The following COL4A6 variants were observed in gnomAD, a reference collection of about 807,000 sequenced individuals.
COL4A6 encodes collagen alpha-6(IV) chain.
COL4A6 carries 59 observed loss-of-function variants against 126.7 expected under a neutral mutation model. That is an observed-to-expected ratio of 0.47 (90% CI 0.38 to 0.58). The LOEUF (loss-of-function observed/expected upper bound fraction) is 0.58, where lower values mean the gene tolerates loss of function less well. COL4A6 is among the 20% of genes least tolerant of loss of function. The probability of loss-of-function intolerance (pLI) is 0.00; values close to 1 mark genes in which losing one functional copy is unlikely to be tolerated. For missense variants in COL4A6, 1,285 were observed against 1,337.3 expected, an observed-to-expected ratio of 0.96 and a Z score of 0.61; for synonymous variants, 547 against 496.6, an observed-to-expected ratio of 1.10 and a Z score of -1.35.
chrX:108,438,367 C>A lies in COL4A6; in HGVS notation c.-171G>T. On this transcript the variant is annotated 5_prime_UTR_variant, in exon 1 of 45. Transcript: ENST00000334504. ...AAACACTGCTTCTAGATAAGAAGTG[C>A]TCCAAAGGGAAACAGGCTCAGCGGT... is the stretch of plus-strand genomic sequence containing the variant. 9.4e-7 allele frequency: 1 copy of A among 1,065,683 alleles called. No individual in the cohort carries two copies. Among genetic ancestry groups the A allele is most frequent in the South Asian group, 2.9e-5 (1 of 34,678 alleles). The allele number at this position is 1,065,683 out of a possible 1,213,427, so 87.8% of individuals were successfully genotyped here. A position where few individuals can be genotyped will look rare whatever the true frequency, so the allele number is the denominator to read the frequency against.
intron 2 of COL4A6, among the ~76,000 whole-genome samples, chrX:108,409,078 G>A (rs1251665730): frequency 8.9e-6 from 1 of 112,421 alleles, no homozygotes; most frequent in Admixed American, 9.4e-5. Context: ...GAAAACCACC[G>A]GTCTAGATAA....
In COL4A6 at chrX:108,233,039, A is replaced by G. The variant is rs1020621587; in HGVS notation, c.145-11665T>C. Among the ~76,000 whole-genome samples, 4 of 112,196 alleles carry G rather than the reference A, an allele frequency of 3.6e-5. No individual in the cohort carries two copies. In the Admixed American group the frequency reaches 3.8e-4, roughly 11 times the overall value. ...GTTGGGAGCAAATTGACTGTCTTTCACAGGAGTCTCATTTCAGTTTTAAAA... is the reference window on the plus strand; with the variant it reads ...GTTGGGAGCAAATTGACTGTCTTTCGCAGGAGTCTCATTTCAGTTTTAAAA... On this transcript the variant is annotated intron_variant, in intron 3 of 44. Transcript: ENST00000334504.
chrX:108,240,470 G>C (rs1486296749), intron 3 of COL4A6, among the ~76,000 whole-genome samples: 1 of 111,939 alleles, frequency 8.9e-6, no homozygotes, highest in Non-Finnish European at 1.9e-5. Flanking sequence ...ATATGTTACA[G>C]GTTTCCTTTT....
intron 3 of COL4A6, among the ~76,000 whole-genome samples, chrX:108,298,818 T>C (rs77141442): frequency 9.1e-6 from 1 of 109,776 alleles, no homozygotes; most frequent in Admixed American, 9.6e-5. Context: ...TTGCTCCTTT[T>C]ATGAAGGAGG....
chrX:108,200,303 G>T (rs967073188), intron 13 of COL4A6, among the ~76,000 whole-genome samples: 1 of 112,203 alleles, frequency 8.9e-6, no homozygotes, highest in East Asian at 2.8e-4. Flanking sequence ...AAATGTTACT[G>T]AGATATTCTA....
chrX:108,260,742 G>A (rs1177931671), intron 3 of COL4A6, among the ~76,000 whole-genome samples: 2 of 110,155 alleles, frequency 1.8e-5, no homozygotes, highest in Non-Finnish European at 3.8e-5. Context: ...AATGTTTAAT[G>A]TGGGATGATT....
chrX:108,172,531 C>T lies in COL4A6; in HGVS notation c.3140G>A (p.Gly1047Asp). The change falls in exon 32 of 45, where the codon GGT (glycine) becomes GAT (aspartate). Residue 1047 changes from glycine to aspartate, a missense_variant and splice_region_variant. Physicochemically the swap from Gly to Asp is moderately conservative, Grantham distance 94. Coordinates refer to ENST00000334504, the MANE Select transcript of COL4A6 (RefSeq NM_033641.4). ...AGGCGACCCTCTGATACCTTGTGAACCCTTCGAAGCAATATGGGAATCATC... is the reference window on the plus strand; with the variant it reads ...AGGCGACCCTCTGATACCTTGTGAATCCTTCGAAGCAATATGGGAATCATC... ...TGFPGMPGES[G>D]SQGIRGSPGL... 1 of 1,200,095 alleles carries T rather than the reference C, an allele frequency of 8.3e-7. No homozygotes were observed. Among genetic ancestry groups the T allele is most frequent in the Admixed American group, 2.2e-5 (1 of 45,598 alleles).
Position 108,250,468 on chromosome X carries a change from C to A in COL4A6, c.145-29094G>T, listed in dbSNP as rs530463608. 1.2e-4 allele frequency among the ~76,000 whole-genome samples: 13 copies of A among 111,234 alleles called. No homozygotes were observed. The South Asian group carries it at 5.0e-3, about 43-fold the overall frequency. ...GCCCCCTTGTCATCACTTAGATGAT[C>A]TAGAGAAGTTCATGGACATTGATGA... On this transcript the variant is annotated intron_variant, in intron 3 of 44. Transcript: ENST00000334504.
intron 3 of COL4A6, among the ~76,000 whole-genome samples, chrX:108,304,780 C>T (rs1049605558): frequency 8.9e-6 from 1 of 111,838 alleles, no homozygotes; most frequent in Non-Finnish European, 1.9e-5. Flanking sequence ...CCATCGAAAT[C>T]AGATGTGTGG....
intron 2 of COL4A6, among the ~76,000 whole-genome samples, chrX:108,336,093 A>C (rs1299369350): frequency 8.9e-6 from 1 of 111,893 alleles, no homozygotes; most frequent in Non-Finnish European, 1.9e-5. Flanking sequence ...TAAATTAAAC[A>C]TAGAATTGCC....
chrX:108,258,730 T>C (rs1318980963), intron 3 of COL4A6, among the ~76,000 whole-genome samples: 2 of 111,974 alleles, frequency 1.8e-5, no homozygotes, highest in African/African-American at 6.5e-5. Flanking sequence ...ATAATGCCAT[T>C]AACCACAATT....
chrX:108,300,751 G>T (rs780582311), intron 3 of COL4A6, among the ~76,000 whole-genome samples: 105 of 109,613 alleles, frequency 9.6e-4, no homozygotes, highest in African/African-American at 3.4e-3. Flanking sequence ...GTGTGTGTGT[G>T]TGTAGCCGCC....
chrX:108,171,295 T>A, intron 33 of COL4A6, 92 bp downstream of exon 33: 1 of 737,613 alleles, frequency 1.4e-6, no homozygotes, highest in Admixed American at 2.7e-5. Flanking sequence ...GGATAGAAGT[T>A]GCAGAACTTG....
chrX:108,176,378 G>GAA (rs71957378), intron 28 of COL4A6, among the ~76,000 whole-genome samples: 3 of 96,165 alleles, frequency 3.1e-5, no homozygotes, highest in African/African-American at 7.6e-5. Context: ...TGTGATACAG[G>GAA]AAAAAAAAAA....
intron 2 of COL4A6, among the ~76,000 whole-genome samples, chrX:108,352,640 C>T (rs1262468511): frequency 8.9e-6 from 1 of 112,454 alleles, no homozygotes; most frequent in African/African-American, 3.2e-5. Context: ...ATCTATGGAA[C>T]ATCAACTTCA....
chrX:108,190,494 G>T lies in COL4A6; in HGVS notation c.1324C>A (p.Pro442Thr). ...TGTAGAGTTTCAGTCTCAAATTCTG[G>T]ACCTTTGGGTAAAAAAAAGATAAAG... Reference protein sequence around the residue: ...GPPGPPGPPSPEFETETLHNK... With the variant: ...GPPGPPGPPSTEFETETLHNK... The change falls in exon 20 of 45, where the codon CCA (proline) becomes ACA (threonine). Residue 442 changes from proline to threonine, a missense_variant and splice_region_variant. Transcript: ENST00000334504. 1 of 1,164,232 alleles carries T rather than the reference G, an allele frequency of 8.6e-7. No homozygotes were observed. Among genetic ancestry groups the T allele is most frequent in the African/African-American group, 1.8e-5 (1 of 56,550 alleles).
In COL4A6 at chrX:108,282,847, G is replaced by A. The variant is rs753202972; in HGVS notation, c.144+27901C>T. Among the ~76,000 whole-genome samples, 31 of 109,370 alleles carry A rather than the reference G, an allele frequency of 2.8e-4. No homozygotes were observed. In the South Asian group the frequency reaches 0.012, roughly 43 times the overall value. The allele number at this position is 109,370 out of a possible 115,157, so 95.0% of individuals were successfully genotyped here. ...AAATGATGAGTTCATGTCCTTTGTA[G>A]GGACATGGATGAAATTGGAAATTGT... On this transcript the variant is annotated intron_variant, in intron 3 of 44. Coordinates refer to ENST00000334504, the MANE Select transcript of COL4A6 (RefSeq NM_033641.4).
At chrX:108,396,910 C>T (rs750486878) in intron 2 of COL4A6, among the ~76,000 whole-genome samples, 1 of 112,043 alleles carries the variant, frequency 8.9e-6, no homozygotes, top group Admixed American at 9.5e-5. Flanking sequence ...ATGCTGACCT[C>T]TCTTTCTCCT....
At chrX:108,304,790 G>T (rs2038582119) in intron 3 of COL4A6, among the ~76,000 whole-genome samples, 1 of 111,890 alleles carries the variant, frequency 8.9e-6, no homozygotes, top group African/African-American at 3.2e-5. Flanking sequence ...CAGATGTGTG[G>T]TCCTTGCAGC....
Sources: allele counts gnomAD v4.1 joint callset (sites outside exome capture counted in the v4.1 genomes callset), GRCh38; gene constraint gnomAD v4.1.1; transcripts MANE v1.5; gene names NCBI Gene and HGNC (gene_info 2026-07-23, HGNC 2026-07-21).